AFDN: variants seen among roughly 807,000 people sequenced by gnomAD.
The protein encoded by AFDN is afadin.
A neutral mutation model predicts 216.6 loss-of-function variants in AFDN; 68 were observed. That is an observed-to-expected ratio of 0.31 (90% CI 0.26 to 0.38). The LOEUF (loss-of-function observed/expected upper bound fraction) is 0.38. Among genes scored for constraint, AFDN ranks in the 10% least tolerant of loss-of-function variants. AFDN has a pLI of 1.00. For missense variants in AFDN, 2,136 were observed against 2,342.0 expected, an observed-to-expected ratio of 0.91 and a Z score of 1.82; for synonymous variants, 868 against 853.7, an observed-to-expected ratio of 1.02 and a Z score of -0.29.
Position 167,964,147 on chromosome 6 carries a change from T to C in AFDN, c.4968+1580T>C, listed in dbSNP as rs1239362584. 5.6e-6 allele frequency: 6 copies of C among 1,063,396 alleles called. No homozygotes were observed. In the African/African-American group the frequency reaches 8.2e-5, roughly 15 times the overall value. The allele number at this position is 1,063,396 out of a possible 1,614,324, so 65.9% of individuals were successfully genotyped here. ...CTCATGATTATTTGAAATACACTTG[T>C]GTTAGTAACTGCTTCTATAATTAAG... On this transcript the variant is annotated intron_variant, in intron 31 of 33. Transcript: ENST00000683244.
chr6:167,966,971 AGCT>A (rs1441576989), intron 32 of AFDN, among the ~76,000 whole-genome samples: 1 of 152,242 alleles, frequency 6.6e-6, no homozygotes, highest in Non-Finnish European at 1.5e-5. Flanking sequence ...GCAGGCGTGC[AGCT>A]GCCGTTAGGG....
At chr6:167,918,029 A>G (rs1374238669) in intron 20 of AFDN, among the ~76,000 whole-genome samples, 2 of 152,180 alleles carry the variant, frequency 1.3e-5, no homozygotes, top group African/African-American at 4.8e-5. Flanking sequence ...CCTGAAAACC[A>G]TGTCATTCTT....
rs1797962523 is a variant in AFDN, at chr6:167,970,633, T to G, written c.*698T>G. ...TTAATTTTAATTCTGAAAGAAAATTTTGAGGATTTAAGCTTAGGGGATTTT... is the reference window on the plus strand; with the variant it reads ...TTAATTTTAATTCTGAAAGAAAATTGTGAGGATTTAAGCTTAGGGGATTTT... On this transcript the variant is annotated 3_prime_UTR_variant, in exon 34 of 34. Transcript: ENST00000683244. The G allele has an allele frequency of 4.8e-6, 1 of 210,398 alleles. No individual in the cohort carries two copies. The highest frequency in any genetic ancestry group is 1.9e-4 in the South Asian group (1 of 5,346). 13.0% of individuals were successfully genotyped at this position (210,398 alleles called of 1,614,324 possible).
At chr6:167,924,928 C>A in intron 22 of AFDN, 77 bp from the exon 23 acceptor site, 1 of 993,936 alleles carries the variant, frequency 1.0e-6, no homozygotes, top group Non-Finnish European at 1.6e-6. Context: ...ACATGATTGA[C>A]TAGATCATGA....
chr6:167,963,228 C>T, intron 31 of AFDN: 1 of 1,064,464 alleles, frequency 9.4e-7, no homozygotes, highest in Admixed American at 5.3e-5. Context: ...TCCATATCTC[C>T]CTTTGTCCTG....
At chr6:167,934,525 C>T (rs147953437) in intron 23 of AFDN, among the ~76,000 whole-genome samples, 20 of 152,226 alleles carry the variant, frequency 1.3e-4, no homozygotes, top group African/African-American at 4.8e-4. Context: ...GAGCAGCGAG[C>T]GGGCAGAGTG....
intron 1 of AFDN, among the ~76,000 whole-genome samples, chr6:167,837,250 T>C (rs1268039593): frequency 6.6e-6 from 1 of 152,198 alleles, no homozygotes; most frequent in African/African-American, 2.4e-5. Flanking sequence ...TATAGTAAGA[T>C]ACATTTAAAA....
At position 167,826,941 on chromosome 6, in the gene AFDN, G is replaced by A; in HGVS notation, c.-192G>A. ...CCGGCCGGCGGGGCTGAGGCGGCGC[G>A]GCGCGGCGCGGACTGAGCCCCAGGC... On this transcript the variant is annotated 5_prime_UTR_variant, in exon 1 of 34. Coordinates refer to ENST00000683244, the MANE Select transcript of AFDN (RefSeq NM_001386888.1). 1 of 146,930 alleles carries A rather than the reference G, an allele frequency of 6.8e-6. No homozygotes were observed. Among genetic ancestry groups the A allele is most frequent in the South Asian group, 2.0e-4 (1 of 5,064 alleles). 9.1% of individuals were successfully genotyped at this position (146,930 alleles called of 1,614,324 possible). A position where few individuals can be genotyped will look rare whatever the true frequency, so the allele number is the denominator to read the frequency against.
chr6:167,864,201 A>G (rs993754583), intron 1 of AFDN: 1 of 500,980 alleles, frequency 2.0e-6, no homozygotes, highest in Non-Finnish European at 4.0e-6. Context: ...AGATCTTGAA[A>G]TAGGGTTAAA....
chr6:167,846,168 T>C (rs1781651026), intron 1 of AFDN, among the ~76,000 whole-genome samples: 1 of 152,010 alleles, frequency 6.6e-6, no homozygotes, highest in Non-Finnish European at 1.5e-5. Flanking sequence ...CCATTCCTTT[T>C]ACATCTAGTA....
At position 167,899,492 on chromosome 6, in the gene AFDN, G is replaced by A. The variant is rs761139863; in HGVS notation, c.1580+1025G>A. 2.6e-4 allele frequency among the ~76,000 whole-genome samples: 39 copies of A among 152,242 alleles called. 1 individual carries two copies. Among genetic ancestry groups the A allele is most frequent in the Middle Eastern group, 3.4e-3 (1 of 294 alleles). On this transcript the variant is annotated intron_variant, in intron 11 of 33. Coordinates refer to ENST00000683244, the MANE Select transcript of AFDN (RefSeq NM_001386888.1). ...AGCTTTTAACTGTTTCTTTCTGAAG[G>A]TGATGTTTTTCATTGATCAGCCGTG... is the stretch of plus-strand genomic sequence containing the variant.
At chr6:167,964,611 A>ACT in intron 31 of AFDN, 1 of 953,972 alleles carries the variant, frequency 1.0e-6, no homozygotes, top group Non-Finnish European at 1.2e-6. Flanking sequence ...TTGCGTATTC[A>ACT]CTCTGTGTGT....
intron 1 of AFDN, among the ~76,000 whole-genome samples, chr6:167,840,308 T>C (rs1254591729): frequency 6.6e-6 from 1 of 152,264 alleles, no homozygotes; most frequent in Non-Finnish European, 1.5e-5. Context: ...GCTTGCAGAT[T>C]GTACTGTTCC....
At chr6:167,875,715 C>T (rs1785285224) in intron 5 of AFDN, among the ~76,000 whole-genome samples, 1 of 150,784 alleles carries the variant, frequency 6.6e-6, no homozygotes, top group Admixed American at 6.6e-5. Flanking sequence ...CCCAATACAG[C>T]TCTTAAAAAA....
In AFDN at chr6:167,962,544, A is replaced by G. The variant is rs1797146532; in HGVS notation, c.4945A>G (p.Thr1649Ala). 1.2e-6 allele frequency: 2 copies of G among 1,613,832 alleles called. No individual in the cohort carries two copies. The highest frequency in any genetic ancestry group is 1.3e-5 in the African/African-American group (1 of 74,902). The change falls in exon 31 of 34, where the codon ACA becomes GCA. Residue 1649 changes from threonine to alanine, a missense_variant. Transcript: ENST00000683244. The surrounding 1 kb of genome is among the most constrained non-coding windows in gnomAD (Gnocchi z 5.2). ...GCGCCGGCGGCAGGAGGAGGAGCGA[A>G]CAAAACGAGACGCTGAAGAAAAGGT... ...EERRRQEEER[T>A]KRDAEEKRRQ...
chr6:167,965,612 C>G, intron 31 of AFDN, 145 bp from the exon 32 acceptor site: 1 of 740,432 alleles, frequency 1.4e-6, no homozygotes, highest in Admixed American at 3.0e-5. Flanking sequence ...TCTGGATTGA[C>G]CTGCTGCTTC....
intron 23 of AFDN, among the ~76,000 whole-genome samples, chr6:167,935,951 A>C (rs918868963): frequency 6.6e-6 from 1 of 152,196 alleles, no homozygotes; most frequent in African/African-American, 2.4e-5. Flanking sequence ...GTGCAGCACT[A>C]TCCGATAGAA....
intron 32 of AFDN, among the ~76,000 whole-genome samples, chr6:167,967,427 A>C (rs1015279866): frequency 2.3e-4 from 35 of 152,192 alleles, no homozygotes; most frequent in Admixed American, 1.8e-3. Context: ...TTTGGAAGCC[A>C]GGATTAAATC....
chr6:167,945,807 A>G (rs1447326170), intron 26 of AFDN, among the ~76,000 whole-genome samples: 2 of 152,346 alleles, frequency 1.3e-5, no homozygotes, highest in East Asian at 3.9e-4. Flanking sequence ...GAATCTCAGG[A>G]TAAAATCAAT....
Sources: gnomAD v4.1 joint callset for allele counts (sites outside exome capture counted in the v4.1 genomes callset) on GRCh38, gnomAD v4.1.1 for gene constraint, Gnocchi (gnomAD v3.1) non-coding constraint, MANE v1.5 for transcripts, NCBI Gene and HGNC (gene_info 2026-07-23, HGNC 2026-07-21) for gene names.